FARP1: variants seen among roughly 807,000 people sequenced by gnomAD.
FARP1 encodes FERM, ARH/RhoGEF and pleckstrin domain protein 1.
FARP1 carries 52 observed loss-of-function variants against 128.8 expected under a neutral mutation model. The observed-to-expected ratio is 0.40, with a 90% CI of 0.32 to 0.51. The LOEUF is 0.51. Ranked by LOEUF, FARP1 falls within the 20% of genes least tolerant of loss-of-function variation. The pLI is 0.45. For missense variants in FARP1, 1,333 were observed against 1,367.9 expected, an observed-to-expected ratio of 0.97 and a Z score of 0.40; for synonymous variants, 580 against 551.8, an observed-to-expected ratio of 1.05 and a Z score of -0.72.
chr13:98,183,529 G>A (rs1376262604), intron 1 of FARP1, among the ~76,000 whole-genome samples: 1 of 152,194 alleles, frequency 6.6e-6, no homozygotes, highest in Non-Finnish European at 1.5e-5. Flanking sequence ...GTCCACGCTT[G>A]GACGAATGCT....
At position 98,390,803 on chromosome 13, in the gene FARP1, C is replaced by CT. The variant is rs763683762; in HGVS notation, c.1020-8dup. On this transcript the variant is annotated splice_polypyrimidine_tract_variant and intron_variant, in intron 10 of 26. Transcript: ENST00000319562. ...TTTCTCCCCTTCCCTGTTGTGGTCT[C>CT]TGTTTCAGTGGTCGGACTCAGAAGC... 23 of 1,609,476 alleles carry CT rather than the reference C, an allele frequency of 1.4e-5. No individual in the cohort carries two copies. The South Asian group carries it at 2.5e-4, about 18-fold the overall frequency.
intron 1 of FARP1, among the ~76,000 whole-genome samples, chr13:98,210,431 G>A (rs1434411826): frequency 6.6e-6 from 1 of 152,156 alleles, no homozygotes; most frequent in Admixed American, 6.5e-5. Flanking sequence ...CCCACAGGAT[G>A]TCCTTTTATA....
At chr13:98,266,395 C>G (rs867833714) in intron 2 of FARP1, among the ~76,000 whole-genome samples, 1 of 152,124 alleles carries the variant, frequency 6.6e-6, no homozygotes, top group Non-Finnish European at 1.5e-5. Flanking sequence ...CTGTCCTGCT[C>G]TGTAAAGCAG....
At chr13:98,262,087 C>T (rs1279509491) in intron 2 of FARP1, among the ~76,000 whole-genome samples, 1 of 146,596 alleles carries the variant, frequency 6.8e-6, no homozygotes, top group African/African-American at 2.5e-5. Context: ...GTGATCTCAG[C>T]TCACTGCAAC....
chr13:98,436,672 C>CGT (rs1461928997), intron 19 of FARP1, among the ~76,000 whole-genome samples: 5 of 152,190 alleles, frequency 3.3e-5, no homozygotes, highest in Non-Finnish European at 5.9e-5. Flanking sequence ...CCAGAAGCCA[C>CGT]GTTGTGAGAG....
rs555401113 is a variant in FARP1 at position 98,203,375 on chromosome 13, C to T, written c.-23-9845C>T. Among the ~76,000 whole-genome samples the T allele has an allele frequency of 2.0e-5, 3 of 152,336 alleles. No homozygotes were observed. In the South Asian group the frequency reaches 6.2e-4, roughly 32 times the overall value. On this transcript the variant is annotated intron_variant, in intron 1 of 26. Transcript: ENST00000319562. ...AACATTTCTATCTCCCCAAAAAGAC[C>T]ACAATTCTTTGTGCCCTTTGCTGTT...
intron 3 of FARP1, among the ~76,000 whole-genome samples, chr13:98,363,326 A>G (rs1463301415): frequency 6.6e-6 from 1 of 152,184 alleles, no homozygotes; most frequent in African/African-American, 2.4e-5. Context: ...TTTTCAGGGA[A>G]GATTGCTCCC....
At chr13:98,207,584 T>C (rs1335607475) in intron 1 of FARP1, among the ~76,000 whole-genome samples, 1 of 151,404 alleles carries the variant, frequency 6.6e-6, no homozygotes, top group Non-Finnish European at 1.5e-5. Flanking sequence ...GGTCCATGCC[T>C]GCTTGACTCA....
At position 98,258,214 on chromosome 13, in the gene FARP1, G is replaced by A. The variant is rs141521085; in HGVS notation, c.171+44801G>A. 7.9e-3 allele frequency among the ~76,000 whole-genome samples: 1,207 copies of A among 152,144 alleles called. 2 individuals are homozygous for A. Among genetic ancestry groups the A allele is most frequent in the Non-Finnish European group, 0.012 (814 of 67,992 alleles). On this transcript the variant is annotated intron_variant, in intron 2 of 26. Coordinates refer to ENST00000319562, the MANE Select transcript of FARP1 (RefSeq NM_005766.4). ...AATCTCCTGACCTCATGATCCACCC[G>A]CGTCAGCCTCCCAAAGTGCTGGGAT...
At chr13:98,250,779 C>T (rs1256050983) in intron 2 of FARP1, among the ~76,000 whole-genome samples, 2 of 152,140 alleles carry the variant, frequency 1.3e-5, no homozygotes, top group Non-Finnish European at 2.9e-5. Context: ...ATGGGCCACT[C>T]TCTGAAGACT....
chr13:98,446,135 A>G lies in FARP1; in HGVS notation c.2834A>G (p.Asn945Ser), dbSNP rs745471591. 6.2e-7 allele frequency: 1 copy of G among 1,614,070 alleles called. No homozygotes were observed. Among genetic ancestry groups the G allele is most frequent in the Non-Finnish European group, 8.5e-7 (1 of 1,179,926 alleles). ...LSGNLLRKFK[N>S]SNGWQKLWVV... ...GGAAACCTGCTGAGGAAATTCAAAA[A>G]CAGCAACGGGTGGCAGAAGCTGTGG... The change falls in exon 25 of 27, where the codon AAC (asparagine) becomes AGC (serine). Residue 945 changes from asparagine (N) to serine (S), a missense_variant. Physicochemically the swap from Asn to Ser is conservative, Grantham distance 46. This residue lies in a region of FARP1 where 1,009 missense variants were observed against 969.8 expected (regional missense o/e 1.04). Coordinates refer to ENST00000319562, the MANE Select transcript of FARP1 (RefSeq NM_005766.4).
rs536203537 is a variant in FARP1, at chr13:98,449,261, C to G, written c.*944C>G. ...GCACCTGTCGTTATTCCTATATCCT[C>G]CTGCAACTGTGGTTTGAAACTGCGC... On this transcript the variant is annotated 3_prime_UTR_variant, in exon 27 of 27. Coordinates refer to ENST00000319562, the MANE Select transcript of FARP1 (RefSeq NM_005766.4). 1 of 152,240 alleles carries G rather than the reference C, an allele frequency of 6.6e-6. No homozygotes were observed. The highest frequency in any genetic ancestry group is 1.5e-5 in the Non-Finnish European group (1 of 68,050). The allele number at this position is 152,240 out of a possible 1,614,324, so 9.4% of individuals were successfully genotyped here. A position where few individuals can be genotyped will look rare whatever the true frequency, so the allele number is the denominator to read the frequency against.
At chr13:98,326,728 G>A (rs2139810248) in intron 2 of FARP1, among the ~76,000 whole-genome samples, 1 of 152,202 alleles carries the variant, frequency 6.6e-6, no homozygotes, top group East Asian at 1.9e-4. Context: ...ATATGTTAAA[G>A]TCATCTCACG....
Position 98,446,140 on chromosome 13 carries a change from AACG to A in FARP1, c.2840_2842del (p.Asn947_Gly948delinsArg), listed in dbSNP as rs1465481711. 1 of 1,613,976 alleles carries A rather than the reference AACG, an allele frequency of 6.2e-7. No individual in the cohort carries two copies. The highest frequency in any genetic ancestry group is 1.3e-5 in the African/African-American group (1 of 74,948). Reference sequence around the variant, plus strand: ...CCTGCTGAGGAAATTCAAAAACAGCAACGGGTGGCAGAAGCTGTGGGTGGTGTT... The same window carrying A: ...CCTGCTGAGGAAATTCAAAAACAGCAGGTGGCAGAAGCTGTGGGTGGTGTT... On this transcript the variant is annotated inframe_deletion, in exon 25 of 27. Transcript: ENST00000319562.
At chr13:98,411,237 C>G (rs1343181275) in intron 15 of FARP1, among the ~76,000 whole-genome samples, 2 of 152,044 alleles carry the variant, frequency 1.3e-5, no homozygotes, top group African/African-American at 4.8e-5. Context: ...GCCAGAAGAC[C>G]GCCTTTTATT....
At chr13:98,232,047 C>T (rs1446310166) in intron 2 of FARP1, among the ~76,000 whole-genome samples, 1 of 151,254 alleles carries the variant, frequency 6.6e-6, no homozygotes, top group African/African-American at 2.4e-5. Context: ...CCAGGCTGGT[C>T]TTGAACTTCT....
chr13:98,315,984 C>T (rs1446907335), intron 2 of FARP1, among the ~76,000 whole-genome samples: 1 of 152,186 alleles, frequency 6.6e-6, no homozygotes, highest in Admixed American at 6.5e-5. Flanking sequence ...TCACCAGTGC[C>T]TTCCAACAGT....
intron 2 of FARP1, among the ~76,000 whole-genome samples, chr13:98,281,302 G>T (rs1282887060): frequency 1.3e-5 from 2 of 152,112 alleles, no homozygotes; most frequent in African/African-American, 4.8e-5. Context: ...GCAGTGAGCC[G>T]GTTGCAGTGA....
intron 25 of FARP1, 63 bp from the exon 26 acceptor site, chr13:98,446,603 C>G: frequency 1.3e-6 from 2 of 1,557,956 alleles, no homozygotes; most frequent in East Asian, 2.2e-5. Flanking sequence ...TGCGGGGCAG[C>G]AGCCAGGCCC....
Sources: gnomAD v4.1 joint callset for allele counts (sites outside exome capture counted in the v4.1 genomes callset) on GRCh38, gnomAD v4.1.1 for gene constraint, gnomAD v4.1.1 regional missense constraint, MANE v1.5 for transcripts, NCBI Gene and HGNC (gene_info 2026-07-23, HGNC 2026-07-21) for gene names.